LYPD1: variants seen among roughly 807,000 people sequenced by gnomAD.
LYPD1 encodes the protein LY6/PLAUR domain containing 1, also known as ly6/PLAUR domain-containing protein 1.
Under a neutral mutation model 14.2 loss-of-function variants are expected in LYPD1, and 14 were observed. That is an observed-to-expected ratio of 0.99 (90% CI 0.65 to 1.54). The LOEUF is 1.54. LYPD1 is among the 40% of genes most tolerant of loss of function. The pLI, the probability that LYPD1 is intolerant of heterozygous loss-of-function variation, is 0.00. For synonymous variants in LYPD1, 85 were observed against 70.6 expected, an observed-to-expected ratio of 1.20 and a Z score of -1.02; for missense variants, 165 against 175.7, an observed-to-expected ratio of 0.94 and a Z score of 0.34.
chr2:132,645,585 T>C lies in LYPD1; in HGVS notation c.*460A>G. ...CAGCCAATTCTGCTGCAGAGAATGG[T>C]TTTCAGGAGCATGAAGTTTGAATGT... On this transcript the variant is annotated 3_prime_UTR_variant, in exon 3 of 3. Transcript: ENST00000397463. The C allele has an allele frequency of 6.2e-7, 1 of 1,612,240 alleles. No homozygotes were observed. The highest frequency in any genetic ancestry group is 8.5e-7 in the Non-Finnish European group (1 of 1,179,294).
rs780426008 is a variant in LYPD1 at position 132,645,341 on chromosome 2, A to G, written c.*704T>C. ...GTGCTGTGCTGCCGCCTGTCGCTGC[A>G]GCACGCCAACCACGAGAAGCGCCTG... On this transcript the variant is annotated 3_prime_UTR_variant, in exon 3 of 3. Transcript: ENST00000397463. 87 of 1,614,042 alleles carry G rather than the reference A, an allele frequency of 5.4e-5. 1 individual carries two copies. The highest frequency in any genetic ancestry group is 6.9e-5 in the Non-Finnish European group (81 of 1,180,044).
chr2:132,669,939 G>T lies in LYPD1; in HGVS notation c.-7C>A. ...CGATGCCTAGGACCCACATTCTCCC[G>T]GAGTCCCGGGGCCGGGAGAGGGCAA... On this transcript the variant is annotated 5_prime_UTR_variant, in exon 1 of 3. Transcript: ENST00000397463. The surrounding 1 kb of genome is among the most constrained non-coding windows in gnomAD (Gnocchi z 4.3). The T allele has an allele frequency of 6.2e-7, 1 of 1,612,140 alleles. No individual in the cohort carries two copies. The highest frequency in any genetic ancestry group is 8.5e-7 in the Non-Finnish European group (1 of 1,179,278).
chr2:132,660,994 T>C (rs1316706099), intron 2 of LYPD1, among the ~76,000 whole-genome samples: 1 of 152,208 alleles, frequency 6.6e-6, no homozygotes, highest in East Asian at 1.9e-4. Context: ...AATGGACTTA[T>C]CAAGATGCTT....
intron 2 of LYPD1, among the ~76,000 whole-genome samples, chr2:132,647,017 T>A (rs1431478424): frequency 6.6e-6 from 1 of 152,232 alleles, no homozygotes; most frequent in African/African-American, 2.4e-5. Flanking sequence ...CCTGTCAAGC[T>A]GCAGTATAGT....
chr2:132,662,814 A>G (rs1164442068), intron 2 of LYPD1, among the ~76,000 whole-genome samples: 1 of 152,218 alleles, frequency 6.6e-6, no homozygotes, highest in African/African-American at 2.4e-5. Flanking sequence ...TATCAATGAC[A>G]GCAGCTTTCA....
chr2:132,646,766 C>T (rs1040671283), intron 2 of LYPD1, among the ~76,000 whole-genome samples: 1 of 152,138 alleles, frequency 6.6e-6, no homozygotes, highest in Non-Finnish European at 1.5e-5. Flanking sequence ...GACCAAATCC[C>T]GAAGGGAAAT....
intron 2 of LYPD1, among the ~76,000 whole-genome samples, chr2:132,663,859 TA>T (rs1319619585): frequency 6.6e-6 from 1 of 152,070 alleles, no homozygotes; most frequent in Non-Finnish European, 1.5e-5. Context: ...AAAAATAAAA[TA>T]AAAAAATCTT....
chr2:132,668,395 C>T lies in LYPD1; in HGVS notation c.190+5G>A, dbSNP rs748435524. The T allele has an allele frequency of 6.9e-6, 11 of 1,601,958 alleles. No homozygotes were observed. In the East Asian group the frequency reaches 2.1e-4, roughly 30 times the overall value. ...GAGCGAGGGGGAGGGCTGCCAGGCTCTTACCGGCACTTTGCTCCATCACTT... is the reference window on the plus strand; with the variant it reads ...GAGCGAGGGGGAGGGCTGCCAGGCTTTTACCGGCACTTTGCTCCATCACTT... On this transcript the variant is annotated splice_donor_5th_base_variant and intron_variant, in intron 2 of 2. Transcript: ENST00000397463.
Position 132,670,139 on chromosome 2 carries a change from C to G in LYPD1, c.-207G>C, listed in dbSNP as rs1683592850. ...CGCTCGGGCTCCCGGCTGCGGGTCT[C>G]TGCTCCTCCCGCTCGCGCTCCCGGG... On this transcript the variant is annotated 5_prime_UTR_variant, in exon 1 of 3. Coordinates refer to ENST00000397463, the MANE Select transcript of LYPD1 (RefSeq NM_144586.7). This position sits in a 1 kb window ranked among gnomAD's most constrained non-coding sequence, Gnocchi z 4.5. The G allele has an allele frequency of 4.3e-6, 6 of 1,386,830 alleles. No individual in the cohort carries two copies. Among genetic ancestry groups the G allele is most frequent in the Non-Finnish European group, 5.6e-6 (6 of 1,079,278 alleles). 85.9% of individuals were successfully genotyped at this position (1,386,830 alleles called of 1,614,324 possible).
chr2:132,645,789 C>T lies in LYPD1; in HGVS notation c.*256G>A, dbSNP rs948575613. The T allele has an allele frequency of 4.4e-5, 37 of 840,068 alleles. No homozygotes were observed. Among genetic ancestry groups the T allele is most frequent in the South Asian group, 1.7e-4 (9 of 53,416 alleles). The allele number at this position is 840,068 out of a possible 1,614,324, so 52.0% of individuals were successfully genotyped here. On this transcript the variant is annotated 3_prime_UTR_variant, in exon 3 of 3. Coordinates refer to ENST00000397463, the MANE Select transcript of LYPD1 (RefSeq NM_144586.7). ...GACTCTGCCAGCCTGGCCTTGACTC[C>T]GGTTACACAGACATGGGGGTGAACT...
chr2:132,660,876 T>C (rs560194866), intron 2 of LYPD1, among the ~76,000 whole-genome samples: 2 of 152,350 alleles, frequency 1.3e-5, no homozygotes, highest in South Asian at 2.1e-4. Flanking sequence ...ATGGTATTCA[T>C]TGTAGACGAC....
intron 2 of LYPD1, among the ~76,000 whole-genome samples, chr2:132,659,362 G>A (rs1293657065): frequency 2.0e-5 from 3 of 152,194 alleles, no homozygotes; most frequent in Non-Finnish European, 4.4e-5. Context: ...GAGAAAGAGA[G>A]AGAGAGCATG....
chr2:132,644,854 C>T lies in LYPD1; in HGVS notation c.*1191G>A, dbSNP rs1681966072. ...TAACAGACATCAACTGGTATAAATA[C>T]ACTGTCTAAAGCATTTAATGGTCTT... On this transcript the variant is annotated 3_prime_UTR_variant, in exon 3 of 3. Coordinates refer to ENST00000397463, the MANE Select transcript of LYPD1 (RefSeq NM_144586.7). The T allele has an allele frequency of 3.9e-6, 2 of 508,540 alleles. No homozygotes were observed. Among genetic ancestry groups the T allele is most frequent in the Admixed American group, 3.7e-5 (1 of 26,700 alleles). The allele number at this position is 508,540 out of a possible 1,614,324, so 31.5% of individuals were successfully genotyped here.
At position 132,646,108 on chromosome 2, in the gene LYPD1, G is replaced by A. The variant is rs764799579; in HGVS notation, c.363C>T (p.Leu121=). The part of the protein sequence containing the change: ...PKKRGSSASA[L]RPGLRTTILF... ...GGATGGTGGTGCGGAGCCCTGGCCT[G>A]AGGGCCGAGGCAGAACTTCCCCTTT... Residue 121 remains leucine (L), a synonymous_variant, in exon 3 of 3, where the codon CTC becomes CTT. Coordinates refer to ENST00000397463, the MANE Select transcript of LYPD1 (RefSeq NM_144586.7). The A allele has an allele frequency of 1.1e-5, 17 of 1,608,340 alleles. No homozygotes were observed. The highest frequency in any genetic ancestry group is 1.4e-5 in the Non-Finnish European group (17 of 1,176,974).
chr2:132,660,796 G>T (rs1346312646), intron 2 of LYPD1, among the ~76,000 whole-genome samples: 1 of 152,198 alleles, frequency 6.6e-6, no homozygotes, highest in African/African-American at 2.4e-5. Context: ...TGAGTAAGGA[G>T]TTCTGCCTAT....
intron 2 of LYPD1, among the ~76,000 whole-genome samples, chr2:132,666,144 G>A (rs1573757760): frequency 6.6e-6 from 1 of 152,162 alleles, no homozygotes; most frequent in Non-Finnish European, 1.5e-5. Flanking sequence ...TGCCTTGGGC[G>A]CTCAACAACA....
intron 2 of LYPD1, among the ~76,000 whole-genome samples, chr2:132,649,825 G>A (rs1263233674): frequency 2.0e-5 from 3 of 152,072 alleles, no homozygotes; most frequent in African/African-American, 7.2e-5. Flanking sequence ...AGATTTAAAT[G>A]TTGGGGGATA....
Position 132,647,245 on chromosome 2 carries a change from G to A in LYPD1, c.191-965C>T, listed in dbSNP as rs927021597. Among the ~76,000 whole-genome samples the A allele has an allele frequency of 1.6e-4, 24 of 152,294 alleles. 2 individuals are homozygous for A. Among genetic ancestry groups the A allele is most frequent in the Admixed American group, 1.2e-3 (19 of 15,306 alleles). On this transcript the variant is annotated intron_variant, in intron 2 of 2. Coordinates refer to ENST00000397463, the MANE Select transcript of LYPD1 (RefSeq NM_144586.7). ...ATGTGAAGCCTCAGGGCTAGATTTA[G>A]TAACTTGCCCAAGGTCACATGAACA...
intron 2 of LYPD1, among the ~76,000 whole-genome samples, chr2:132,652,256 G>A (rs1415642503): frequency 6.6e-6 from 1 of 152,086 alleles, no homozygotes; most frequent in Non-Finnish European, 1.5e-5. Context: ...AATCAGAACA[G>A]TGCCTGGCAC....
Sources: allele counts gnomAD v4.1 joint callset (sites outside exome capture counted in the v4.1 genomes callset), GRCh38; gene constraint gnomAD v4.1.1; non-coding constraint Gnocchi (gnomAD v3.1); transcripts MANE v1.5; gene names NCBI Gene and HGNC (gene_info 2026-07-23, HGNC 2026-07-21).